The following SRBD1 variants were observed in gnomAD, a reference collection of about 807,000 sequenced individuals.
SRBD1 encodes S1 RNA binding domain 1, also known as S1 RNA-binding domain-containing protein 1.
Under a neutral mutation model 115.3 loss-of-function variants are expected in SRBD1, and 88 were observed. The observed-to-expected ratio is 0.76, with a 90% CI of 0.64 to 0.91. The LOEUF (loss-of-function observed/expected upper bound fraction) is 0.91, where lower values mean the gene tolerates loss of function less well. Among genes scored for constraint, SRBD1 ranks in the 40% least tolerant of loss-of-function variants. The pLI is 0.00. For synonymous variants in SRBD1, 509 were observed against 407.7 expected (o/e 1.25, Z -2.99); for missense variants, 1,385 against 1,177.4 (o/e 1.18, Z -2.58).
intron 18 of SRBD1, among the ~76,000 whole-genome samples, chr2:45,413,779 T>C (rs983574731): frequency 6.6e-6 from 1 of 151,906 alleles, no homozygotes; most frequent in East Asian, 1.9e-4. Flanking sequence ...AATAAAAAAA[T>C]TAGCTGGGTG....
chr2:45,467,682 C>A (rs1187836190), intron 16 of SRBD1, among the ~76,000 whole-genome samples: 1 of 152,028 alleles, frequency 6.6e-6, no homozygotes, highest in Non-Finnish European at 1.5e-5. Flanking sequence ...TGACTTCGTG[C>A]AACATTAGGG....
chr2:45,437,219 A>G (rs969285901), intron 16 of SRBD1, among the ~76,000 whole-genome samples: 2 of 152,132 alleles, frequency 1.3e-5, no homozygotes, highest in Non-Finnish European at 2.9e-5. Context: ...TTAAAATTCT[A>G]AAGTTTATAT....
chr2:45,417,553 T>A (rs1266861511), intron 18 of SRBD1, among the ~76,000 whole-genome samples: 1 of 152,232 alleles, frequency 6.6e-6, no homozygotes, highest in Non-Finnish European at 1.5e-5. Context: ...ACCTCTATTA[T>A]AATTTTGTCA....
rs748138283 is a variant in SRBD1, at chr2:45,393,027, T to C, written c.2616A>G (p.Ala872=). ...TGTGTACTGTTGTTTGCAATCTTTCTGCAATTTTCTCCATTCCTTCCTTTT... is the reference window on the plus strand; with the variant it reads ...TGTGTACTGTTGTTTGCAATCTTTCCGCAATTTTCTCCATTCCTTCCTTTT... ...FLEKEGMEKI[A]ERLQTTVHTL... is the part of the protein sequence containing the mutation. Residue 872 remains alanine (A), a synonymous_variant, in exon 20 of 21, where the codon GCA becomes GCG. Transcript: ENST00000263736. The C allele has an allele frequency of 1.6e-5, 26 of 1,614,002 alleles. No individual in the cohort carries two copies. The highest frequency in any genetic ancestry group is 2.0e-5 in the Non-Finnish European group (24 of 1,179,980).
intron 8 of SRBD1, 28 bp downstream of exon 8, chr2:45,574,599 C>A: frequency 6.2e-7 from 1 of 1,601,768 alleles, no homozygotes; most frequent in Non-Finnish European, 8.5e-7. Context: ...GTCCATAAAG[C>A]AGAAAACTCC....
chr2:45,580,332 T>C (rs1673311560), intron 6 of SRBD1, among the ~76,000 whole-genome samples: 2 of 152,058 alleles, frequency 1.3e-5, no homozygotes, highest in South Asian at 2.1e-4. Flanking sequence ...ATAATTCTAC[T>C]TCTTCGTTTT....
intron 14 of SRBD1, among the ~76,000 whole-genome samples, chr2:45,517,937 A>T (rs1186451447): frequency 6.6e-6 from 1 of 151,998 alleles, no homozygotes; most frequent in Non-Finnish European, 1.5e-5. Flanking sequence ...GGAGGTTGAG[A>T]CTGCAATGAG....
At chr2:45,610,926 T>G (rs1323315854) in intron 1 of SRBD1, among the ~76,000 whole-genome samples, 1 of 109,350 alleles carries the variant, frequency 9.1e-6, no homozygotes, top group Non-Finnish European at 1.8e-5. Flanking sequence ...AGACTCCGTC[T>G]CAAAAAAAAA....
At chr2:45,529,267 G>T (rs1671540960) in intron 14 of SRBD1, among the ~76,000 whole-genome samples, 1 of 151,840 alleles carries the variant, frequency 6.6e-6, no homozygotes, top group Non-Finnish European at 1.5e-5. Flanking sequence ...CATTTTCCCA[G>T]TAAGCAGAAA....
chr2:45,596,986 CCTCA>C (rs1673920279), intron 4 of SRBD1, among the ~76,000 whole-genome samples: 1 of 101,010 alleles, frequency 9.9e-6, no homozygotes, highest in South Asian at 3.5e-4. Flanking sequence ...CACCCACAAC[CCTCA>C]CACACACACA....
intron 16 of SRBD1, among the ~76,000 whole-genome samples, chr2:45,437,488 G>T (rs4453728): frequency 6.6e-6 from 1 of 151,978 alleles, no homozygotes. Flanking sequence ...TTTGCAACAG[G>T]TGGTGCTGGA....
In SRBD1 at chr2:45,392,897, G is replaced by A. The variant is rs956993897; in HGVS notation, c.2698+48C>T. ...TGCTGTGAGGATCAAAGGAGATAAT[G>A]GGAGCTATGCAAATGCAAGGTGCTA... On this transcript the variant is annotated intron_variant, in intron 20 of 20. Coordinates refer to ENST00000263736, the MANE Select transcript of SRBD1 (RefSeq NM_018079.5). The A allele has an allele frequency of 1.6e-5, 24 of 1,499,978 alleles. 1 individual carries two copies. The Admixed American group carries it at 2.6e-4, about 16-fold the overall frequency. 92.9% of individuals were successfully genotyped at this position (1,499,978 alleles called of 1,614,324 possible).
At chr2:45,601,771 C>T (rs1476038137) in intron 3 of SRBD1, 132 bp downstream of exon 3, 20 of 1,206,664 alleles carry the variant, frequency 1.7e-5, no homozygotes, top group African/African-American at 3.1e-5. Context: ...AAAATTAAGA[C>T]CCAGGGTAGG....
chr2:45,610,970 T>C (rs914317715), intron 1 of SRBD1, among the ~76,000 whole-genome samples: 7 of 151,402 alleles, frequency 4.6e-5, no homozygotes, highest in African/African-American at 1.2e-4. Flanking sequence ...TCTATGTCTG[T>C]TATGCGCTAA....
chr2:45,551,716 C>T (rs980899347), intron 11 of SRBD1, among the ~76,000 whole-genome samples: 3 of 151,932 alleles, frequency 2.0e-5, no homozygotes, highest in Non-Finnish European at 4.4e-5. Context: ...CAAGTAATTT[C>T]GTATGCTAAA....
At chr2:45,541,670 C>T (rs758398067) in intron 14 of SRBD1, among the ~76,000 whole-genome samples, 1 of 152,204 alleles carries the variant, frequency 6.6e-6, no homozygotes, top group Non-Finnish European at 1.5e-5. Context: ...GGCAGGTTAT[C>T]CCAATGAGTG....
At chr2:45,534,800 T>G (rs1401481275) in intron 14 of SRBD1, among the ~76,000 whole-genome samples, 3 of 151,914 alleles carry the variant, frequency 2.0e-5, no homozygotes, top group Admixed American at 1.3e-4. Context: ...AGATCTTAAG[T>G]TATATAGCTA....
intron 9 of SRBD1, among the ~76,000 whole-genome samples, chr2:45,563,443 GAAGAA>G (rs1299229259): frequency 2.0e-5 from 3 of 151,498 alleles, no homozygotes; most frequent in Admixed American, 1.3e-4. Context: ...AAAACAAGCA[GAAGAA>G]AATAATAAAT....
chr2:45,462,198 G>C (rs1157319511), intron 16 of SRBD1, among the ~76,000 whole-genome samples: 2 of 152,178 alleles, frequency 1.3e-5, no homozygotes, highest in Non-Finnish European at 2.9e-5. Context: ...TGAAAGTGCT[G>C]TTCACATAAT....
Sources: gnomAD v4.1 joint callset for allele counts (sites outside exome capture counted in the v4.1 genomes callset) on GRCh38, gnomAD v4.1.1 for gene constraint, MANE v1.5 for transcripts, NCBI Gene and HGNC (gene_info 2026-07-23, HGNC 2026-07-21) for gene names.